Variants in RP1 observed in about 807,000 individuals in gnomAD.
The protein encoded by RP1 is oxygen-regulated protein 1.
A neutral mutation model predicts 14.8 loss-of-function variants in RP1; 16 were observed. The ratio of observed to expected loss-of-function variants is 1.08; its 90% CI spans 0.73 to 1.65. The LOEUF (loss-of-function observed/expected upper bound fraction) is 1.65, where lower values mean the gene tolerates loss of function less well. Ranked by LOEUF, RP1 falls within the 40% of genes most tolerant of loss-of-function variation. The pLI is 0.00. For synonymous variants in RP1, 876 were observed against 883.6 expected (o/e 0.99, Z 0.15); for missense variants, 2,631 against 2,535.0 (o/e 1.04, Z -0.81).
chr8:54,621,328 G>T lies in RP1; in HGVS notation c.362G>T (p.Arg121Leu). ...CAGCCTGTAGACCTGGACAAAGCCC[G>T]TCGGCGCCCGCGGCCCTGGCTCAGC... ...KVQPVDLDKARRRPRPWLSSR... is the reference protein window; with the variant it reads ...KVQPVDLDKALRRPRPWLSSR... Residue 121 changes from arginine to leucine, a missense_variant, in exon 2 of 4, where the codon CGT becomes CTT. Coordinates refer to ENST00000220676, the MANE Select transcript of RP1 (RefSeq NM_006269.2). 6.2e-7 allele frequency: 1 copy of T among 1,612,112 alleles called. No homozygotes were observed. The highest frequency in any genetic ancestry group is 8.5e-7 in the Non-Finnish European group (1 of 1,179,066).
downstream of RP1, among the ~76,000 whole-genome samples, chr8:54,635,391 A>G (rs893075283): frequency 2.0e-5 from 3 of 152,210 alleles, no homozygotes; most frequent in Non-Finnish European, 4.4e-5. Context: ...AGCTCAGGTG[A>G]ATCAATACAA....
chr8:54,633,615 A>G (rs1217026583), downstream of RP1, among the ~76,000 whole-genome samples: 1 of 151,264 alleles, frequency 6.6e-6, no homozygotes, highest in Non-Finnish European at 1.5e-5. Flanking sequence ...TGTTTTAGCT[A>G]TTTTTCTTTA....
intron 25 of RP1, among the ~76,000 whole-genome samples, chr8:54,841,339 T>G (rs1396965950): frequency 6.6e-6 from 1 of 152,230 alleles, no homozygotes; most frequent in Non-Finnish European, 1.5e-5. Flanking sequence ...ATGAAGCTAT[T>G]ATACTTATCT....
At chr8:54,804,878 G>T (rs1345790033) in intron 24 of RP1, among the ~76,000 whole-genome samples, 1 of 152,280 alleles carries the variant, frequency 6.6e-6, no homozygotes, top group Middle Eastern at 3.4e-3. Flanking sequence ...TAATAAATAA[G>T]GTAGCTCTTT....
At chr8:54,849,760 T>C (rs188674483) in intron 25 of RP1, among the ~76,000 whole-genome samples, 145 of 152,312 alleles carry the variant, frequency 9.5e-4, no homozygotes, top group African/African-American at 3.3e-3. Flanking sequence ...AAAGAATGAA[T>C]AAGTTAAAGA....
chr8:54,734,344 G>A (rs1408367714), intron 17 of RP1, among the ~76,000 whole-genome samples: 1 of 152,106 alleles, frequency 6.6e-6, no homozygotes, highest in African/African-American at 2.4e-5. Flanking sequence ...GTTTACTTCG[G>A]TGATTGAGTT....
intron 26 of RP1, among the ~76,000 whole-genome samples, chr8:54,854,346 C>T (rs1434203470): frequency 2.0e-5 from 3 of 152,184 alleles, no homozygotes; most frequent in African/African-American, 7.2e-5. Flanking sequence ...AACATATCCA[C>T]ACATCCTAAT....
At position 54,586,814 on chromosome 8, in the gene RP1, G is replaced by A. The variant is rs113518583; in HGVS notation, c.-13+27494G>A. On this transcript the variant is annotated intron_variant, in intron 1 of 22. Coordinates refer to the RP1 transcript ENST00000636932. Reference sequence around the variant, plus strand: ...CAAGCCAGGTGCGGGATATAATCTCGTGGTGTGCCGTTTGCTAAGACCATT... The same window carrying A: ...CAAGCCAGGTGCGGGATATAATCTCATGGTGTGCCGTTTGCTAAGACCATT... 9.7e-3 allele frequency among the ~76,000 whole-genome samples: 1,476 copies of A among 152,308 alleles called. 32 individuals are homozygous for A. The highest frequency in any genetic ancestry group is 0.033 in the African/African-American group (1,383 of 41,580).
rs756250298 is a variant in RP1, at chr8:54,626,602, T to C, written c.2720T>C (p.Ile907Thr). 6 of 1,613,612 alleles carry C rather than the reference T, an allele frequency of 3.7e-6. No homozygotes were observed. The East Asian group carries it at 1.1e-4, about 30-fold the overall frequency. Residue 907 changes from isoleucine to threonine, a missense_variant, in exon 4 of 4, where the codon ATT (isoleucine) becomes ACT (threonine). Transcript: ENST00000220676. ...SLKKPDFPEA[I>T]AHHSIQNYIQ... ...AAAAAACCTGATTTTCCTGAGGCTA[T>C]TGCTCATCATTCAATTCAAAATTAT...
chr8:54,682,159 A>C (rs561429933), intron 12 of RP1, among the ~76,000 whole-genome samples: 12 of 152,240 alleles, frequency 7.9e-5, no homozygotes, highest in African/African-American at 2.6e-4. Flanking sequence ...CATTCCCACC[A>C]ACAGTGTAAA....
At chr8:54,567,663 GA>G (rs1804437126) in intron 1 of RP1, among the ~76,000 whole-genome samples, 1 of 152,112 alleles carries the variant, frequency 6.6e-6, no homozygotes, top group South Asian at 2.1e-4. Flanking sequence ...TTGTGTGGTA[GA>G]AAACCTCTTG....
rs186837330 is a variant in RP1 at position 54,567,768 on chromosome 8, A to G, written c.-13+8448A>G. Among the ~76,000 whole-genome samples, 3 of 152,296 alleles carry G rather than the reference A, an allele frequency of 2.0e-5. No homozygotes were observed. The East Asian group carries it at 5.8e-4, about 29-fold the overall frequency. ...GGAAGAAATGCTTGTGATTGGTGTG[A>G]TCTGTGATTACTTCATTAGATCAGG... On this transcript the variant is annotated intron_variant, in intron 1 of 22. Transcript: ENST00000636932.
chr8:54,628,508 T>C lies in RP1; in HGVS notation c.4626T>C (p.Tyr1542=). 6.2e-7 allele frequency: 1 copy of C among 1,613,866 alleles called. No individual in the cohort carries two copies. The highest frequency in any genetic ancestry group is 2.2e-5 in the East Asian group (1 of 44,868). The change falls in exon 4 of 4, where the codon TAT becomes TAC. Residue 1542 remains tyrosine, a synonymous_variant. Transcript: ENST00000220676. ...LATPPSLDFC[Y]DSKQNSEKET... ...CACCACCATCTTTAGATTTTTGCTA[T>C]GATTCTAAGCAAAATAGTGAAAAGG...
At chr8:54,691,838 T>C (rs943803751) in intron 12 of RP1, among the ~76,000 whole-genome samples, 3 of 152,118 alleles carry the variant, frequency 2.0e-5, no homozygotes, top group Non-Finnish European at 2.9e-5. Context: ...TATTATACTT[T>C]AAGTTTTAGG....
intron 8 of RP1, among the ~76,000 whole-genome samples, chr8:54,676,411 AC>A (rs796884981): frequency 1.3e-5 from 2 of 152,148 alleles, no homozygotes; most frequent in African/African-American, 4.8e-5. Context: ...TTGTTACATG[AC>A]CCCCACTTGA....
intron 8 of RP1, chr8:54,673,978 A>G: frequency 7.3e-7 from 1 of 1,368,994 alleles, no homozygotes; most frequent in Non-Finnish European, 1.0e-6. Context: ...CATTCTGTTT[A>G]TATGAAACTC....
At chr8:54,750,485 C>T (rs543029056) in intron 19 of RP1, among the ~76,000 whole-genome samples, 6 of 152,160 alleles carry the variant, frequency 3.9e-5, no homozygotes, top group South Asian at 2.1e-4. Flanking sequence ...TTACAATATT[C>T]CTAAGTATCA....
intron 15 of RP1, among the ~76,000 whole-genome samples, chr8:54,712,206 C>T (rs182224979): frequency 3.3e-5 from 5 of 152,032 alleles, no homozygotes; most frequent in Admixed American, 6.6e-5. Context: ...TGGCCTACAT[C>T]GGGAGAGACA....
intron 1 of RP1, among the ~76,000 whole-genome samples, chr8:54,618,983 A>G (rs1805794157): frequency 6.6e-6 from 1 of 152,170 alleles, no homozygotes; most frequent in African/African-American, 2.4e-5. Flanking sequence ...TTAAATACTG[A>G]AGGAACTCAT....
Sources: allele counts gnomAD v4.1 joint callset (sites outside exome capture counted in the v4.1 genomes callset), GRCh38; gene constraint gnomAD v4.1.1; transcripts MANE v1.5; gene names NCBI Gene and HGNC (gene_info 2026-07-23, HGNC 2026-07-21).